BTRC: variants seen among roughly 807,000 people sequenced by gnomAD.
BTRC encodes the protein beta-transducin repeat containing E3 ubiquitin protein ligase, also known as F-box/WD repeat-containing protein 1A.
BTRC carries 42 observed loss-of-function variants against 85.5 expected under a neutral mutation model. The ratio of observed to expected loss-of-function variants is 0.49; its 90% CI spans 0.38 to 0.64. BTRC has a LOEUF of 0.64. Among genes scored for constraint, BTRC ranks in the 30% least tolerant of loss-of-function variants. BTRC has a pLI of 0.00. For synonymous variants in BTRC, 255 were observed against 263.3 expected (o/e 0.97, Z 0.30); for missense variants, 594 against 743.5 (o/e 0.80, Z 2.34).
chr10:101,455,901 G>C (rs1349946613), intron 2 of BTRC, among the ~76,000 whole-genome samples: 1 of 151,718 alleles, frequency 6.6e-6, no homozygotes, highest in African/African-American at 2.4e-5. Flanking sequence ...CAGGACTTTG[G>C]GAGGCCGAGG....
At chr10:101,482,737 T>TAA (rs1234467771) in intron 4 of BTRC, among the ~76,000 whole-genome samples, 2 of 152,140 alleles carry the variant, frequency 1.3e-5, no homozygotes, top group Non-Finnish European at 2.9e-5. Context: ...TTGAATGGAA[T>TAA]GACTTGTCAT....
In BTRC at chr10:101,431,170, G is replaced by A. The variant is rs182262802; in HGVS notation, c.156+718G>A. Among the ~76,000 whole-genome samples the A allele has an allele frequency of 3.7e-3, 530 of 144,952 alleles. 6 individuals are homozygous for A. The highest frequency in any genetic ancestry group is 0.021 in the Admixed American group (278 of 13,490). ...CAGCTCACTGCATCCTGCGCCTCCT[G>A]GGTTCAAGCAATTCTCCTGCCTCAG... On this transcript the variant is annotated intron_variant, in intron 2 of 14. Transcript: ENST00000370187.
chr10:101,536,200 A>G (rs961662735), intron 11 of BTRC, among the ~76,000 whole-genome samples: 2 of 152,310 alleles, frequency 1.3e-5, no homozygotes, highest in Admixed American at 1.3e-4. Context: ...TATCTCTTTC[A>G]GTTTGGTGAC....
chr10:101,384,401 G>C (rs1460739143), intron 1 of BTRC, among the ~76,000 whole-genome samples: 3 of 152,226 alleles, frequency 2.0e-5, no homozygotes, highest in African/African-American at 7.2e-5. Flanking sequence ...ATTAGTGCCA[G>C]TACGTGCAGG....
At chr10:101,380,033 C>T in intron 1 of BTRC, among the ~76,000 whole-genome samples, 1 of 152,144 alleles carries the variant, frequency 6.6e-6, no homozygotes, top group East Asian at 1.9e-4. Flanking sequence ...TTATAACTGA[C>T]AATACGAGAA....
At chr10:101,456,064 G>A (rs1040437533) in intron 2 of BTRC, among the ~76,000 whole-genome samples, 1 of 150,336 alleles carries the variant, frequency 6.7e-6, no homozygotes, top group Admixed American at 6.7e-5. Flanking sequence ...CCAGCTACTC[G>A]GGAGGCTGAG....
At chr10:101,404,002 GTATA>G (rs753639521) in intron 1 of BTRC, among the ~76,000 whole-genome samples, 1,548 of 61,698 alleles carry the variant, frequency 0.025, 254 homozygotes, top group Admixed American at 0.037. Flanking sequence ...GTGTGTGTGT[GTATA>G]TATATATATA....
At chr10:101,452,954 T>C (rs1205156162) in intron 2 of BTRC, among the ~76,000 whole-genome samples, 14 of 152,170 alleles carry the variant, frequency 9.2e-5, no homozygotes, top group Admixed American at 9.2e-4. Context: ...ACCTAAGTTT[T>C]CCCCATTGTA....
In BTRC at chr10:101,406,898, T is replaced by C. The variant is rs547747992; in HGVS notation, c.49-23447T>C. Among the ~76,000 whole-genome samples the C allele has an allele frequency of 6.6e-5, 10 of 152,360 alleles. No individual in the cohort carries two copies. The South Asian group carries it at 2.1e-3, about 32-fold the overall frequency. On this transcript the variant is annotated intron_variant, in intron 1 of 14. Coordinates refer to ENST00000370187, the MANE Select transcript of BTRC (RefSeq NM_033637.4). Reference sequence around the variant, plus strand: ...AAGCTTTTTACTTTTAATTTATTGGTATACATTAATAGATAATTGTGTCGG... The same window carrying C: ...AAGCTTTTTACTTTTAATTTATTGGCATACATTAATAGATAATTGTGTCGG...
intron 1 of BTRC, among the ~76,000 whole-genome samples, chr10:101,370,868 C>G (rs1477844079): frequency 1.3e-5 from 2 of 152,100 alleles, no homozygotes; most frequent in Non-Finnish European, 2.9e-5. Context: ...GTGTGCACCA[C>G]TTCACTGGGC....
At chr10:101,366,258 A>G (rs1437017346) in intron 1 of BTRC, among the ~76,000 whole-genome samples, 1 of 152,042 alleles carries the variant, frequency 6.6e-6, no homozygotes, top group African/African-American at 2.4e-5. Context: ...CTGTAATGTA[A>G]TTTGATAAAA....
At chr10:101,502,402 AATC>A (rs1205120092) in intron 4 of BTRC, among the ~76,000 whole-genome samples, 1 of 152,156 alleles carries the variant, frequency 6.6e-6, no homozygotes, top group Non-Finnish European at 1.5e-5. Flanking sequence ...GAAAAAAAAA[AATC>A]AATGGCAAAT....
At chr10:101,492,773 C>T (rs1307947233) in intron 4 of BTRC, among the ~76,000 whole-genome samples, 1 of 152,102 alleles carries the variant, frequency 6.6e-6, no homozygotes. Flanking sequence ...ATAGATACCA[C>T]GAGTGTCCAG....
At position 101,461,969 on chromosome 10, in the gene BTRC, T is replaced by G. The variant is rs374659154; in HGVS notation, c.157-12T>G. 1.3e-6 allele frequency: 2 copies of G among 1,596,806 alleles called. No homozygotes were observed. The highest frequency in any genetic ancestry group is 1.7e-6 in the Non-Finnish European group (2 of 1,166,342). On this transcript the variant is annotated splice_polypyrimidine_tract_variant and intron_variant, in intron 2 of 14. Transcript: ENST00000370187. ...TAATGAGAACTGAATTAAAGCTTAC[T>G]TTCTTTCACAGAATTCCTCAGAGAG...
rs1564730037 is a variant in BTRC at position 101,366,879 on chromosome 10, T to TATATATATTA, written c.48+12660_48+12661insAATATATATT. On this transcript the variant is annotated intron_variant, in intron 1 of 14. Coordinates refer to ENST00000370187, the MANE Select transcript of BTRC (RefSeq NM_033637.4). ...ATATATTTATATATTAATATATATT[T>TATATATATTA]ATATATATTTATATATATTTATATA... Among the ~76,000 whole-genome samples, 14 of 23,874 alleles carry TATATATATTA rather than the reference T, an allele frequency of 5.9e-4. 2 individuals carry two copies. The highest frequency in any genetic ancestry group is 1.3e-3 in the African/African-American group (14 of 10,576). 15.7% of individuals were successfully genotyped at this position (23,874 alleles called of 152,430 possible).
At chr10:101,488,279 T>C (rs1375092360) in intron 4 of BTRC, among the ~76,000 whole-genome samples, 1 of 152,210 alleles carries the variant, frequency 6.6e-6, no homozygotes, top group African/African-American at 2.4e-5. Flanking sequence ...TAAATTATAT[T>C]CCTTTCCTGA....
intron 3 of BTRC, among the ~76,000 whole-genome samples, chr10:101,463,811 G>A (rs1945292748): frequency 6.6e-6 from 1 of 151,950 alleles, no homozygotes. Flanking sequence ...TATATATAGT[G>A]TTTAGAGGGA....
At chr10:101,414,897 CAA>C (rs1943887296) in intron 1 of BTRC, among the ~76,000 whole-genome samples, 1 of 151,560 alleles carries the variant, frequency 6.6e-6, no homozygotes. Context: ...ACAAAAGAGT[CAA>C]AAAGTTTTTA....
intron 1 of BTRC, among the ~76,000 whole-genome samples, chr10:101,355,538 A>AT (rs1249903573): frequency 3.3e-5 from 5 of 152,216 alleles, no homozygotes; most frequent in African/African-American, 7.2e-5. Flanking sequence ...GAATGCATAG[A>AT]TTTTAAGCTT....
Sources: allele counts gnomAD v4.1 joint callset (sites outside exome capture counted in the v4.1 genomes callset), GRCh38; gene constraint gnomAD v4.1.1; transcripts MANE v1.5; gene names NCBI Gene and HGNC (gene_info 2026-07-23, HGNC 2026-07-21).